Variants in ANKH observed in about 807,000 individuals in gnomAD.
The protein encoded by ANKH is mineralization regulator ANKH.
In ANKH, 15 loss-of-function variants were observed where a neutral mutation model predicts 49.0. That is an observed-to-expected ratio of 0.31 (90% CI 0.20 to 0.47). The LOEUF is 0.47. Ranked by LOEUF, ANKH falls within the 20% of genes least tolerant of loss-of-function variation. The pLI is 1.00. For synonymous variants in ANKH, 273 were observed against 260.0 expected (o/e 1.05, Z -0.48); for missense variants, 429 against 652.0 (o/e 0.66, Z 3.72).
chr5:14,860,117 G>C (rs1302981530), intron 1 of ANKH, among the ~76,000 whole-genome samples: 3 of 152,218 alleles, frequency 2.0e-5, no homozygotes, highest in African/African-American at 4.8e-5. Flanking sequence ...TACAAATGAG[G>C]TACAACCAGC....
At chr5:14,723,793 T>C (rs1561025034) in intron 8 of ANKH, among the ~76,000 whole-genome samples, 2 of 152,230 alleles carry the variant, frequency 1.3e-5, no homozygotes, top group South Asian at 4.1e-4. Context: ...CAAGACACAT[T>C]CATTTCTAGT....
At chr5:14,844,795 T>C (rs1192570524) in intron 1 of ANKH, among the ~76,000 whole-genome samples, 2 of 152,176 alleles carry the variant, frequency 1.3e-5, no homozygotes, top group African/African-American at 2.4e-5. Context: ...TTGAGAGTTA[T>C]TTCTGCCTTT....
chr5:14,769,228 T>C, intron 1 of ANKH, 37 bp from the exon 2 acceptor site: 2 of 1,527,832 alleles, frequency 1.3e-6, no homozygotes, highest in Non-Finnish European at 1.8e-6. Flanking sequence ...GCATTAGAAA[T>C]GTCATCTCTT....
intron 1 of ANKH, among the ~76,000 whole-genome samples, chr5:14,791,748 G>T (rs1194052277): frequency 6.6e-6 from 1 of 152,172 alleles, no homozygotes; most frequent in East Asian, 1.9e-4. Flanking sequence ...AGCTCATGAA[G>T]TCAAAAGTCT....
chr5:14,743,107 C>A (rs908945222), intron 7 of ANKH, among the ~76,000 whole-genome samples: 1 of 152,248 alleles, frequency 6.6e-6, no homozygotes, highest in Non-Finnish European at 1.5e-5. Flanking sequence ...TCCCTTCCAC[C>A]ACCAGCACCA....
At chr5:14,846,790 A>G (rs1741972623) in intron 1 of ANKH, among the ~76,000 whole-genome samples, 1 of 152,040 alleles carries the variant, frequency 6.6e-6, no homozygotes, top group South Asian at 2.1e-4. Context: ...TCAGGAGTTC[A>G]AGCCCAGCCT....
At chr5:14,847,293 G>C (rs1230882756) in intron 1 of ANKH, among the ~76,000 whole-genome samples, 1 of 152,162 alleles carries the variant, frequency 6.6e-6, no homozygotes, top group East Asian at 1.9e-4. Context: ...GGGGAAAAAG[G>C]GGCTGTTACT....
At chr5:14,845,636 T>C (rs1489111955) in intron 1 of ANKH, among the ~76,000 whole-genome samples, 1 of 152,076 alleles carries the variant, frequency 6.6e-6, no homozygotes, top group African/African-American at 2.4e-5. Flanking sequence ...GGTGTTTCTC[T>C]TGGGTTTCAA....
intron 2 of ANKH, among the ~76,000 whole-genome samples, chr5:14,760,636 C>A (rs1032715067): frequency 6.6e-6 from 1 of 152,202 alleles, no homozygotes; most frequent in African/African-American, 2.4e-5. Flanking sequence ...TTGCTGTCCC[C>A]ACACCCACCT....
chr5:14,765,198 A>G (rs922918351), intron 2 of ANKH, among the ~76,000 whole-genome samples: 1 of 152,198 alleles, frequency 6.6e-6, no homozygotes, highest in South Asian at 2.1e-4. Context: ...TGGGTCCATG[A>G]CAGAAGTCGT....
chr5:14,764,588 T>C (rs1191820204), intron 2 of ANKH, among the ~76,000 whole-genome samples: 1 of 152,198 alleles, frequency 6.6e-6, no homozygotes, highest in Non-Finnish European at 1.5e-5. Flanking sequence ...CAAAAATAAA[T>C]GCTTGTGTTT....
At chr5:14,850,581 A>C (rs1002235940) in intron 1 of ANKH, among the ~76,000 whole-genome samples, 1 of 152,246 alleles carries the variant, frequency 6.6e-6, no homozygotes, top group Non-Finnish European at 1.5e-5. Flanking sequence ...GGTTCACGGT[A>C]AGATGGGGAC....
In ANKH at chr5:14,709,916, A is replaced by C. The variant is rs1356978744; in HGVS notation, c.*1281T>G. The C allele has an allele frequency of 6.6e-6, 1 of 152,508 alleles. No homozygotes were observed. The highest frequency in any genetic ancestry group is 2.4e-5 in the African/African-American group (1 of 41,470). 9.4% of individuals were successfully genotyped at this position (152,508 alleles called of 1,614,324 possible). The stretch of plus-strand genomic sequence containing the variant: ...TACAGCATATATTTATATCTTTAAA[A>C]TATTTTTTTTTTTAGGTTCTTTCAG... On this transcript the variant is annotated 3_prime_UTR_variant, in exon 12 of 12. Transcript: ENST00000284268.
chr5:14,708,395 A>G lies in ANKH; in HGVS notation c.*2802T>C, dbSNP rs1233574209. The G allele has an allele frequency of 6.6e-6, 1 of 152,242 alleles. No homozygotes were observed. The highest frequency in any genetic ancestry group is 1.9e-4 in the East Asian group (1 of 5,206). 9.4% of individuals were successfully genotyped at this position (152,242 alleles called of 1,614,324 possible). Reference sequence around the variant, plus strand: ...CTGGTCTTTGACATGAGAATCTCACAGGCATGGTAACTTTCTAAAATGCAG... The same window carrying G: ...CTGGTCTTTGACATGAGAATCTCACGGGCATGGTAACTTTCTAAAATGCAG... On this transcript the variant is annotated 3_prime_UTR_variant, in exon 12 of 12. Coordinates refer to ENST00000284268, the MANE Select transcript of ANKH (RefSeq NM_054027.6).
chr5:14,746,238 C>T lies in ANKH; in HGVS notation c.823-276G>A, dbSNP rs550375895. 1.8e-4 allele frequency among the ~76,000 whole-genome samples: 28 copies of T among 151,796 alleles called. No individual in the cohort carries two copies. The South Asian group carries it at 2.3e-3, about 12-fold the overall frequency. On this transcript the variant is annotated intron_variant, in intron 6 of 11. Coordinates refer to ENST00000284268, the MANE Select transcript of ANKH (RefSeq NM_054027.6). ...AACGAGGGGGATGCGTCACATTTTA[C>T]GCAGATCCAATGAGAAACAGGTGCA...
At chr5:14,779,128 C>A (rs1739727907) in intron 1 of ANKH, among the ~76,000 whole-genome samples, 1 of 152,174 alleles carries the variant, frequency 6.6e-6, no homozygotes, top group Admixed American at 6.5e-5. Flanking sequence ...GACCTAAGCT[C>A]TTCCTCACCT....
chr5:14,739,589 A>T (rs1202616423), intron 8 of ANKH, among the ~76,000 whole-genome samples: 1 of 152,150 alleles, frequency 6.6e-6, no homozygotes, highest in Non-Finnish European at 1.5e-5. Flanking sequence ...ATGGGCAAAA[A>T]ATCACTGTTT....
At chr5:14,824,588 C>T (rs1023346516) in intron 1 of ANKH, among the ~76,000 whole-genome samples, 1 of 152,084 alleles carries the variant, frequency 6.6e-6, no homozygotes, top group African/African-American at 2.4e-5. Flanking sequence ...CCAAACAGTA[C>T]CAGTAATAAA....
rs769990032 is a variant in ANKH at position 14,741,940 on chromosome 5, C to T, written c.916-18G>A. The T allele has an allele frequency of 5.0e-6, 8 of 1,606,582 alleles. No homozygotes were observed. Among genetic ancestry groups the T allele is most frequent in the Admixed American group, 3.3e-5 (2 of 59,976 alleles). On this transcript the variant is annotated intron_variant, in intron 7 of 11. Coordinates refer to ENST00000284268, the MANE Select transcript of ANKH (RefSeq NM_054027.6). ...GGGTTATTCTGGGGAAAGAAAACCA[C>T]AGTCATGAATGGGCCCGGCTTATCC...
Sources: allele counts gnomAD v4.1 joint callset (sites outside exome capture counted in the v4.1 genomes callset), GRCh38; gene constraint gnomAD v4.1.1; transcripts MANE v1.5; gene names NCBI Gene and HGNC (gene_info 2026-07-23, HGNC 2026-07-21).